EPHX4: variants seen among roughly 807,000 people sequenced by gnomAD.
EPHX4 encodes the protein epoxide hydrolase 4, also known as abhydrolase domain containing 7.
Under a neutral mutation model 44.9 loss-of-function variants are expected in EPHX4, and 31 were observed. That is an observed-to-expected ratio of 0.69 (90% confidence interval 0.52 to 0.93). EPHX4 has a LOEUF of 0.93. Among genes scored for constraint, EPHX4 ranks in the 40% least tolerant of loss-of-function variants. EPHX4 has a pLI of 0.00. For synonymous variants in EPHX4, 151 were observed against 159.7 expected (o/e 0.95, Z 0.41); for missense variants, 373 against 438.1 (o/e 0.85, Z 1.33).
chr1:92,045,716 A>G (rs1688573250), intron 4 of EPHX4, 56 bp downstream of exon 4: 4 of 1,602,240 alleles, frequency 2.5e-6, no homozygotes, highest in Non-Finnish European at 3.4e-6. Context: ...CACTCTTGCC[A>G]CTGACCTTTT....
intron 5 of EPHX4, among the ~76,000 whole-genome samples, chr1:92,050,771 AGT>A (rs1557885158): frequency 6.6e-6 from 1 of 151,832 alleles, no homozygotes; most frequent in Non-Finnish European, 1.5e-5. Context: ...TTCAGATATT[AGT>A]GTCACACATA....
Position 92,042,992 on chromosome 1 carries a change from T to C in EPHX4, c.475+12T>C, listed in dbSNP as rs1688531561. The stretch of plus-strand genomic sequence containing the variant: ...TTTAGATTCTTTAGGTAGGTTAGTT[T>C]GAAACAAAACAACTCTTTTTAAGGG... On this transcript the variant is annotated intron_variant, in intron 3 of 6. Transcript: ENST00000370383. 4.4e-6 allele frequency: 7 copies of C among 1,575,908 alleles called. No individual in the cohort carries two copies. Among genetic ancestry groups the C allele is most frequent in the Non-Finnish European group, 6.0e-6 (7 of 1,157,264 alleles).
At chr1:92,045,026 G>A (rs1350207529) in intron 3 of EPHX4, among the ~76,000 whole-genome samples, 1 of 152,116 alleles carries the variant, frequency 6.6e-6, no homozygotes, top group Non-Finnish European at 1.5e-5. Flanking sequence ...GCAGTGGCAT[G>A]ATCATGGCTC....
At chr1:92,042,006 G>A (rs779571632) in intron 2 of EPHX4, among the ~76,000 whole-genome samples, 5 of 152,156 alleles carry the variant, frequency 3.3e-5, no homozygotes, top group Non-Finnish European at 7.3e-5. Flanking sequence ...CCAAGATCAT[G>A]CCATTGCACT....
At position 92,053,265 on chromosome 1, in the gene EPHX4, A is replaced by C. The variant is rs556643386; in HGVS notation, c.857+607A>C. Reference sequence around the variant, plus strand: ...AGGCATTCCAGAAAAAGGAAACAGCAGGTACCAAAGCCCTGTGGGAAGATG... The same window carrying C: ...AGGCATTCCAGAAAAAGGAAACAGCCGGTACCAAAGCCCTGTGGGAAGATG... On this transcript the variant is annotated intron_variant, in intron 6 of 6. Coordinates refer to ENST00000370383, the MANE Select transcript of EPHX4 (RefSeq NM_173567.5). Among the ~76,000 whole-genome samples the C allele has an allele frequency of 5.9e-5, 9 of 152,304 alleles. No homozygotes were observed. The South Asian group carries it at 1.9e-3, about 32-fold the overall frequency.
chr1:92,034,180 C>G (rs1251579459), intron 2 of EPHX4, among the ~76,000 whole-genome samples: 2 of 149,342 alleles, frequency 1.3e-5, no homozygotes, highest in Non-Finnish European at 3.0e-5. Flanking sequence ...GGCGCCTGTA[C>G]TCCCAGCTAC....
intron 1 of EPHX4, among the ~76,000 whole-genome samples, 175 bp downstream of exon 1, chr1:92,030,485 T>TGTGTGTGTGTGTGTGTGTGTGAGA (rs1326928763): frequency 1.0e-4 from 14 of 138,712 alleles, no homozygotes; most frequent in Non-Finnish European, 1.4e-4. Context: ...TGTGTGTGTG[T>TGTGTGTGTGTGTGTGTGTGTGAGA]GAGAGAGAGA....
chr1:92,037,934 G>A (rs1021305921), intron 2 of EPHX4, among the ~76,000 whole-genome samples: 3 of 152,180 alleles, frequency 2.0e-5, no homozygotes, highest in African/African-American at 7.2e-5. Context: ...TAAATGATAT[G>A]TCCATCAGTC....
At chr1:92,036,112 T>C (rs1305657837) in intron 2 of EPHX4, among the ~76,000 whole-genome samples, 1 of 152,200 alleles carries the variant, frequency 6.6e-6, no homozygotes, top group Non-Finnish European at 1.5e-5. Flanking sequence ...AATTCATGCA[T>C]CGGAGAGATG....
Position 92,045,608 on chromosome 1 carries a change from A to C in EPHX4, c.552A>C (p.Glu184Asp). 1 of 1,614,090 alleles carries C rather than the reference A, an allele frequency of 6.2e-7. No homozygotes were observed. The highest frequency in any genetic ancestry group is 8.5e-7 in the Non-Finnish European group (1 of 1,179,984). The change falls in exon 4 of 7, where the codon GAA becomes GAC. Residue 184 changes from glutamate to aspartate, a missense_variant. Transcript: ENST00000370383. ...IAWLIAICYP[E>D]MVMKLIVINF... is the part of the protein sequence containing the mutation. Reference sequence around the variant, plus strand: ...GGCTAATTGCCATCTGTTATCCTGAAATGGTGATGAAGCTTATTGTTATTA... The same window carrying C: ...GGCTAATTGCCATCTGTTATCCTGACATGGTGATGAAGCTTATTGTTATTA...
chr1:92,032,556 C>T lies in EPHX4; in HGVS notation c.283C>T (p.Leu95Phe), dbSNP rs1688377010. 6.2e-7 allele frequency: 1 copy of T among 1,613,970 alleles called. No individual in the cohort carries two copies. Among genetic ancestry groups the T allele is most frequent in the African/African-American group, 1.3e-5 (1 of 74,904 alleles). Residue 95 changes from leucine to phenylalanine, a missense_variant, in exon 2 of 7, where the codon CTT becomes TTT. Physicochemically the swap from Leu to Phe is conservative, Grantham distance 22. Transcript: ENST00000370383. ...TGCTGCTGGAGAAAGAGGCAAACCA[C>T]TTATGCTGCTGCTTCATGGATTTCC... ...YVAAGERGKP[L>F]MLLLHGFPEF...
intron 4 of EPHX4, 144 bp from the exon 5 acceptor site, chr1:92,050,173 G>A (rs2101872782): frequency 1.7e-6 from 1 of 592,258 alleles, no homozygotes. Flanking sequence ...AGATATAAGA[G>A]CATAGAAATT....
At chr1:92,057,529 A>G (rs1056037458) in intron 6 of EPHX4, among the ~76,000 whole-genome samples, 1 of 152,240 alleles carries the variant, frequency 6.6e-6, no homozygotes, top group African/African-American at 2.4e-5. Context: ...AGTTTAAAGC[A>G]TATCTATAAT....
intron 3 of EPHX4, among the ~76,000 whole-genome samples, chr1:92,044,693 T>C (rs1268246796): frequency 6.6e-6 from 1 of 152,214 alleles, no homozygotes; most frequent in Non-Finnish European, 1.5e-5. Context: ...TTTTCTGTGT[T>C]GAATTGTACA....
chr1:92,042,445 C>T (rs903708371), intron 2 of EPHX4, among the ~76,000 whole-genome samples: 10 of 151,622 alleles, frequency 6.6e-5, no homozygotes, highest in African/African-American at 2.4e-4. Flanking sequence ...GAAATGTGGC[C>T]AGGTGCAGTG....
chr1:92,043,385 A>T (rs754652929), intron 3 of EPHX4: 1 of 150,846 alleles, frequency 6.6e-6, no homozygotes, highest in South Asian at 2.1e-4. Context: ...AACCCAGGAG[A>T]TGGAGGTTGC....
At chr1:92,041,007 A>G (rs1688501138) in intron 2 of EPHX4, among the ~76,000 whole-genome samples, 1 of 152,034 alleles carries the variant, frequency 6.6e-6, no homozygotes, top group African/African-American at 2.4e-5. Flanking sequence ...GCATATTTTG[A>G]GTCCCATAAC....
intron 6 of EPHX4, among the ~76,000 whole-genome samples, chr1:92,060,253 T>A (rs546024506): frequency 4.6e-4 from 69 of 149,370 alleles, no homozygotes; most frequent in African/African-American, 1.3e-3. Context: ...GAAAAAAAAA[T>A]TTTTTTTTTA....
chr1:92,030,490 G>GTGTGTGTGTGTGTGTGTGTGTT, intron 1 of EPHX4, among the ~76,000 whole-genome samples, 180 bp downstream of exon 1: 1 of 127,762 alleles, frequency 7.8e-6, no homozygotes, highest in South Asian at 2.5e-4. Context: ...GTGTGTGAGA[G>GTGTGTGTGTGTGTGTGTGTGTT]AGAGAGAGAG....
Sources: gnomAD v4.1 joint callset for allele counts (sites outside exome capture counted in the v4.1 genomes callset) on GRCh38, gnomAD v4.1.1 for gene constraint, MANE v1.5 for transcripts, NCBI Gene and HGNC (gene_info 2026-07-23, HGNC 2026-07-21) for gene names.